PRKN: variants seen among roughly 807,000 people sequenced by gnomAD.
PRKN encodes E3 ubiquitin-protein ligase parkin.
A neutral mutation model predicts 59.5 loss-of-function variants in PRKN; 56 were observed. The observed-to-expected ratio is 0.94, with a 90% CI of 0.76 to 1.18. PRKN has a LOEUF of 1.18. Ranked by LOEUF, PRKN falls within the 50% of genes most tolerant of loss-of-function variation. The pLI, the probability that PRKN is intolerant of heterozygous loss-of-function variation, is 0.00. For synonymous variants in PRKN, 250 were observed against 222.1 expected (o/e 1.13, Z -1.12); for missense variants, 657 against 596.4 (o/e 1.10, Z -1.06).
At chr6:161,492,620 T>C (rs1051715389) in intron 9 of PRKN, among the ~76,000 whole-genome samples, 3 of 152,232 alleles carry the variant, frequency 2.0e-5, no homozygotes, top group African/African-American at 7.2e-5. Flanking sequence ...AGAAAGAACC[T>C]TGGCAAGTCA....
At chr6:162,266,833 G>T (rs570952907) in intron 2 of PRKN, among the ~76,000 whole-genome samples, 25 of 152,258 alleles carry the variant, frequency 1.6e-4, no homozygotes, top group Admixed American at 4.6e-4. Flanking sequence ...AAGAGGATGG[G>T]TCCCTAATCT....
At chr6:161,652,608 T>C (rs552990369) in intron 7 of PRKN, among the ~76,000 whole-genome samples, 28 of 152,352 alleles carry the variant, frequency 1.8e-4, no homozygotes, top group African/African-American at 5.3e-4. Flanking sequence ...TATTTGTTCT[T>C]ATTATTCTAA....
intron 2 of PRKN, among the ~76,000 whole-genome samples, chr6:162,376,207 C>T (rs758211153): frequency 2.6e-5 from 4 of 152,122 alleles, no homozygotes; most frequent in South Asian, 2.1e-4. Context: ...CCAAAGAACA[C>T]AGACCGCACC....
At chr6:162,256,439 C>A (rs1779642385) in intron 3 of PRKN, among the ~76,000 whole-genome samples, 3 of 152,116 alleles carry the variant, frequency 2.0e-5, no homozygotes, top group Admixed American at 2.0e-4. Flanking sequence ...CAGTTAAATT[C>A]TACCACTTAA....
At chr6:162,427,824 T>G (rs1343794114) in intron 2 of PRKN, among the ~76,000 whole-genome samples, 1 of 152,112 alleles carries the variant, frequency 6.6e-6, no homozygotes, top group Non-Finnish European at 1.5e-5. Flanking sequence ...GTTTTGCATT[T>G]TTTTTAGTTG....
chr6:162,307,912 A>G lies in PRKN; in HGVS notation c.172-45147T>C, dbSNP rs999279895. 5.3e-5 allele frequency among the ~76,000 whole-genome samples: 8 copies of G among 152,244 alleles called. 1 individual carries two copies. Among genetic ancestry groups the G allele is most frequent in the African/African-American group, 1.2e-4 (5 of 41,464 alleles). On this transcript the variant is annotated intron_variant, in intron 2 of 11. Coordinates refer to ENST00000366898, the MANE Select transcript of PRKN (RefSeq NM_004562.3). ...CAAGAGTGTTATACAGACAAGAATG[A>G]TGACCCTAACATTTGCTTTCAAGAT... is the stretch of plus-strand genomic sequence containing the variant.
Position 162,300,265 on chromosome 6 carries a change from T to TAA in PRKN, c.172-37502_172-37501dup, listed in dbSNP as rs35823567. Among the ~76,000 whole-genome samples, 28 of 148,624 alleles carry TAA rather than the reference T, an allele frequency of 1.9e-4. 1 individual carries two copies. The highest frequency in any genetic ancestry group is 1.3e-3 in the Admixed American group (19 of 14,930). ...GAACACAGTGGCTTTTCTTCTTCTT[T>TAA]AAAAAAAAAAACACATTCTATCAGA... On this transcript the variant is annotated intron_variant, in intron 2 of 11. Transcript: ENST00000366898.
At chr6:162,423,521 T>C (rs774158638) in intron 2 of PRKN, among the ~76,000 whole-genome samples, 6 of 152,186 alleles carry the variant, frequency 3.9e-5, no homozygotes, top group African/African-American at 7.2e-5. Context: ...TTATTCATGA[T>C]TGCCTTATCA....
chr6:162,174,379 C>T (rs1583151226), intron 4 of PRKN, among the ~76,000 whole-genome samples: 10 of 152,136 alleles, frequency 6.6e-5, no homozygotes, highest in Admixed American at 6.5e-4. Context: ...CTTGCCGTCC[C>T]CTCAACCACA....
At chr6:162,653,040 A>T (rs370124746) in intron 1 of PRKN, among the ~76,000 whole-genome samples, 2 of 152,316 alleles carry the variant, frequency 1.3e-5, no homozygotes, top group African/African-American at 4.8e-5. Context: ...AAATCTAGTC[A>T]ATCAATGATT....
chr6:162,263,457 G>GC (rs1453163923), intron 2 of PRKN, among the ~76,000 whole-genome samples: 1 of 152,094 alleles, frequency 6.6e-6, no homozygotes, highest in African/African-American at 2.4e-5. Context: ...CAAGACAGGA[G>GC]CACACTCTTG....
chr6:162,549,323 A>C (rs1349216920), intron 1 of PRKN, among the ~76,000 whole-genome samples: 2 of 152,206 alleles, frequency 1.3e-5, no homozygotes, highest in African/African-American at 4.8e-5. Context: ...AATTTGTTAC[A>C]GAAGCCCAAA....
intron 6 of PRKN, among the ~76,000 whole-genome samples, chr6:161,907,864 A>G (rs6922334): frequency 0.55 from 83,888 of 152,012 alleles, 23,218 homozygotes; most frequent in Middle Eastern, 0.66. Flanking sequence ...GATCACCTGA[A>G]GTCAGGAGTT....
At chr6:162,656,088 GA>G (rs1205523958) in intron 1 of PRKN, among the ~76,000 whole-genome samples, 1 of 151,970 alleles carries the variant, frequency 6.6e-6, no homozygotes, top group East Asian at 1.9e-4. Flanking sequence ...TACATTCAAG[GA>G]CTAAATGGCA....
intron 2 of PRKN, among the ~76,000 whole-genome samples, chr6:162,313,499 T>C (rs1317927187): frequency 6.6e-6 from 1 of 152,142 alleles, no homozygotes; most frequent in Non-Finnish European, 1.5e-5. Context: ...TTTTTTTTAT[T>C]TTTTTGAAAT....
At chr6:161,864,797 C>CA (rs1794047731) in intron 6 of PRKN, among the ~76,000 whole-genome samples, 1 of 41,582 alleles carries the variant, frequency 2.4e-5, no homozygotes, top group Non-Finnish European at 5.1e-5. Context: ...GCTGGGATTA[C>CA]AGTCGCCCAC....
At position 162,225,879 on chromosome 6, in the gene PRKN, T is replaced by C. The variant is rs1377401476; in HGVS notation, c.413-24627A>G. Among the ~76,000 whole-genome samples, 3 of 133,086 alleles carry C rather than the reference T, an allele frequency of 2.3e-5. No individual in the cohort carries two copies. In the East Asian group the frequency reaches 7.7e-4, roughly 34 times the overall value. The allele number at this position is 133,086 out of a possible 152,430, so 87.3% of individuals were successfully genotyped here. A position where few individuals can be genotyped will look rare whatever the true frequency, so the allele number is the denominator to read the frequency against. On this transcript the variant is annotated intron_variant, in intron 3 of 11. Transcript: ENST00000366898. Reference sequence around the variant, plus strand: ...CTACAGAAAATGACTGCTGTTAATGTAGGGCTGTATATATATATATATATA... The same window carrying C: ...CTACAGAAAATGACTGCTGTTAATGCAGGGCTGTATATATATATATATATA...
chr6:162,223,207 C>T (rs1010472466), intron 3 of PRKN, among the ~76,000 whole-genome samples: 2 of 151,980 alleles, frequency 1.3e-5, no homozygotes, highest in African/African-American at 4.8e-5. Context: ...TTTATGGCTG[C>T]ACAGTATTCC....
intron 3 of PRKN, among the ~76,000 whole-genome samples, chr6:162,253,294 T>TAATCC (rs1779514327): frequency 1.3e-5 from 2 of 152,002 alleles, no homozygotes; most frequent in South Asian, 4.2e-4. Context: ...TAATCTAATC[T>TAATCC]AATCTAATCT....
Sources: allele counts gnomAD v4.1 joint callset (sites outside exome capture counted in the v4.1 genomes callset), GRCh38; gene constraint gnomAD v4.1.1; transcripts MANE v1.5; gene names NCBI Gene and HGNC (gene_info 2026-07-23, HGNC 2026-07-21).